The following PPP4R1 variants were observed in gnomAD, a reference collection of about 807,000 sequenced individuals.
The protein encoded by PPP4R1 is protein phosphatase 4 regulatory subunit 1.
In PPP4R1, 42 loss-of-function variants were observed where a neutral mutation model predicts 111.2. The observed-to-expected ratio is 0.38, with a 90% CI of 0.29 to 0.49. The LOEUF is 0.49. PPP4R1 is among the 20% of genes least tolerant of loss of function. PPP4R1 has a pLI of 0.97. For synonymous variants in PPP4R1, 409 were observed against 405.5 expected (o/e 1.01, Z -0.10); for missense variants, 1,012 against 1,161.6 (o/e 0.87, Z 1.87).
At chr18:9,582,947 C>CA (rs1386887737) in intron 9 of PPP4R1, among the ~76,000 whole-genome samples, 170 bp downstream of exon 9, 1 of 152,074 alleles carries the variant, frequency 6.6e-6, no homozygotes, top group East Asian at 1.9e-4. Flanking sequence ...TGTCCTGTTA[C>CA]AAAAAAACAC....
chr18:9,569,923 A>AT (rs1003855099), intron 11 of PPP4R1, among the ~76,000 whole-genome samples: 1 of 151,758 alleles, frequency 6.6e-6, no homozygotes. Context: ...CTAATTTTTT[A>AT]TTTTTTTGTA....
At chr18:9,576,008 C>A (rs560373981) in intron 10 of PPP4R1, among the ~76,000 whole-genome samples, 33 of 152,208 alleles carry the variant, frequency 2.2e-4, no homozygotes, top group African/African-American at 7.7e-4. Flanking sequence ...CACCTGTTTT[C>A]AAAAAAACTG....
intron 11 of PPP4R1, among the ~76,000 whole-genome samples, chr18:9,567,918 G>C (rs2066795240): frequency 6.6e-6 from 1 of 152,194 alleles, no homozygotes; most frequent in Admixed American, 6.5e-5. Context: ...ACTACAACTT[G>C]TGTAAAGCTC....
intron 8 of PPP4R1, 110 bp downstream of exon 8, chr18:9,584,405 A>C: frequency 1.1e-6 from 1 of 892,682 alleles, no homozygotes; most frequent in Non-Finnish European, 1.6e-6. Flanking sequence ...TTTCTGGTTT[A>C]TATTCATGGA....
intron 2 of PPP4R1, among the ~76,000 whole-genome samples, chr18:9,601,116 T>C (rs767570899): frequency 4.0e-5 from 6 of 151,644 alleles, no homozygotes; most frequent in Admixed American, 6.6e-5. Context: ...AAAAAAACCA[T>C]ACATCACCTT....
At chr18:9,562,907 AG>A (rs2066701778) in intron 12 of PPP4R1, 1 of 987,002 alleles carries the variant, frequency 1.0e-6, no homozygotes, top group African/African-American at 1.7e-5. Context: ...AGATGATGCT[AG>A]GATCAGTACC....
intron 4 of PPP4R1, among the ~76,000 whole-genome samples, chr18:9,593,144 T>C (rs1053536717): frequency 6.6e-6 from 1 of 152,156 alleles, no homozygotes; most frequent in Non-Finnish European, 1.5e-5. Context: ...GAAAAAGTTT[T>C]AAGATTTTTG....
Position 9,547,635 on chromosome 18 carries a change from T to C in PPP4R1, c.*154A>G. ...ACTTTCTCTTGACTCTTGAAATCCC[T>C]GGTATTGGGTGTAGGCAACTTGCAC... On this transcript the variant is annotated 3_prime_UTR_variant, in exon 20 of 20. Transcript: ENST00000400556. 1.3e-6 allele frequency: 1 copy of C among 763,090 alleles called. No individual in the cohort carries two copies. The highest frequency in any genetic ancestry group is 1.8e-5 in the South Asian group (1 of 55,438). The allele number at this position is 763,090 out of a possible 1,614,324, so 47.3% of individuals were successfully genotyped here. A position where few individuals can be genotyped will look rare whatever the true frequency, so the allele number is the denominator to read the frequency against.
At chr18:9,551,086 T>C (rs1053561166) in intron 16 of PPP4R1, 4 of 152,258 alleles carry the variant, frequency 2.6e-5, no homozygotes, top group Non-Finnish European at 2.9e-5. Context: ...CACCTGTGTA[T>C]ACAAATATGC....
intron 15 of PPP4R1, among the ~76,000 whole-genome samples, chr18:9,554,273 G>A (rs770530688): frequency 4.6e-5 from 7 of 151,912 alleles, no homozygotes; most frequent in Non-Finnish European, 7.4e-5. Context: ...GACTACAGGC[G>A]CATGCCACCA....
At chr18:9,607,994 G>A (rs981979576) in intron 2 of PPP4R1, among the ~76,000 whole-genome samples, 7 of 151,866 alleles carry the variant, frequency 4.6e-5, no homozygotes, top group Admixed American at 4.6e-4. Flanking sequence ...ATGTTGGCCA[G>A]GCTGGTCTTG....
At chr18:9,587,073 G>T (rs11663838) in intron 6 of PPP4R1, among the ~76,000 whole-genome samples, 4,981 of 152,270 alleles carry the variant, frequency 0.033, 88 homozygotes, top group Middle Eastern at 0.037. Context: ...GACCATACCT[G>T]TCAGAGCAGG....
intron 2 of PPP4R1, among the ~76,000 whole-genome samples, chr18:9,611,272 A>G (rs1235906759): frequency 1.3e-5 from 2 of 152,106 alleles, no homozygotes; most frequent in Non-Finnish European, 2.9e-5. Flanking sequence ...ACTACTCTGG[A>G]GGTTGGGCTC....
Position 9,614,069 on chromosome 18 carries a change from G to A in PPP4R1, c.52+157C>T. 3.7e-6 allele frequency: 2 copies of A among 537,482 alleles called. No homozygotes were observed. The highest frequency in any genetic ancestry group is 1.0e-4 in the Admixed American group (2 of 19,426). 33.3% of individuals were successfully genotyped at this position (537,482 alleles called of 1,614,324 possible). A position where few individuals can be genotyped will look rare whatever the true frequency, so the allele number is the denominator to read the frequency against. ...GGGCGCGCCGTTTCCTCACGGACGC[G>A]AGATTTTCCCCCCCGATCGCCACCC... is the stretch of plus-strand genomic sequence containing the variant. On this transcript the variant is annotated intron_variant, in intron 2 of 19. Transcript: ENST00000400556. The surrounding 1 kb of genome is among the most constrained non-coding windows in gnomAD (Gnocchi z 4.1).
chr18:9,559,387 C>A lies in PPP4R1; in HGVS notation c.2028+32G>T, dbSNP rs370843702. On this transcript the variant is annotated intron_variant, in intron 14 of 19. Coordinates refer to ENST00000400556, the MANE Select transcript of PPP4R1 (RefSeq NM_001042388.3). ...CAAAGCACTGTGCCTTCCACATGCA[C>A]GTTCTGCTAATTCTTTAACTGCTTT... 3 of 1,567,560 alleles carry A rather than the reference C, an allele frequency of 1.9e-6. No homozygotes were observed. The Admixed American group carries it at 5.4e-5, about 28-fold the overall frequency.
intron 15 of PPP4R1, among the ~76,000 whole-genome samples, chr18:9,556,285 TG>T (rs1276098370): frequency 1.3e-5 from 2 of 151,628 alleles, no homozygotes; most frequent in Admixed American, 6.6e-5. Context: ...CTCCACCTCC[TG>T]GGCTCAAGCG....
intron 2 of PPP4R1, among the ~76,000 whole-genome samples, chr18:9,613,161 T>C (rs1008347400): frequency 1.3e-5 from 2 of 152,238 alleles, no homozygotes; most frequent in Non-Finnish European, 2.9e-5. Flanking sequence ...ACTATGGTTA[T>C]CATCTCAACT....
At chr18:9,590,837 G>C (rs1268672130) in intron 4 of PPP4R1, among the ~76,000 whole-genome samples, 1 of 152,058 alleles carries the variant, frequency 6.6e-6, no homozygotes, top group East Asian at 1.9e-4. Flanking sequence ...CTTTGAGATT[G>C]GAAAAAATCT....
intron 2 of PPP4R1, among the ~76,000 whole-genome samples, chr18:9,610,476 T>C (rs541084318): frequency 6.6e-6 from 1 of 152,334 alleles, no homozygotes; most frequent in Admixed American, 6.5e-5. Flanking sequence ...TAAACTTTTT[T>C]TTTTTGAGAC....
Sources: allele counts gnomAD v4.1 joint callset (sites outside exome capture counted in the v4.1 genomes callset), GRCh38; gene constraint gnomAD v4.1.1; non-coding constraint Gnocchi (gnomAD v3.1); transcripts MANE v1.5; gene names NCBI Gene and HGNC (gene_info 2026-07-23, HGNC 2026-07-21).